ATP6V1H: variants seen among roughly 807,000 people sequenced by gnomAD.
ATP6V1H encodes V-type proton ATPase subunit H.
ATP6V1H carries 39 observed loss-of-function variants against 71.7 expected under a neutral mutation model. That is an observed-to-expected ratio of 0.54 (90% CI 0.42 to 0.71). The LOEUF is 0.71. Ranked by LOEUF, ATP6V1H falls within the 30% of genes least tolerant of loss-of-function variation. The pLI is 0.00. For missense variants in ATP6V1H, 509 were observed against 594.9 expected (o/e 0.86, Z 1.50); for synonymous variants, 192 against 199.3 (o/e 0.96, Z 0.31).
chr8:53,819,617 C>T (rs7460020), intron 4 of ATP6V1H, among the ~76,000 whole-genome samples: 4 of 66,972 alleles, frequency 6.0e-5, no homozygotes, highest in Admixed American at 4.8e-4. Flanking sequence ...ATTGTATATA[C>T]ATATATACAT....
At chr8:53,774,161 AG>A (rs1466905566) in intron 9 of ATP6V1H, among the ~76,000 whole-genome samples, 2 of 152,266 alleles carry the variant, frequency 1.3e-5, no homozygotes, top group African/African-American at 4.8e-5. Context: ...AGAAATTTTC[AG>A]ACACAAGATG....
intron 11 of ATP6V1H, among the ~76,000 whole-genome samples, chr8:53,766,533 C>T (rs1274645506): frequency 6.6e-6 from 1 of 152,358 alleles, no homozygotes; most frequent in East Asian, 1.9e-4. Flanking sequence ...TAAACTCTGA[C>T]CACTGGTGAG....
At chr8:53,837,329 C>T (rs1319140676) in intron 2 of ATP6V1H, among the ~76,000 whole-genome samples, 1 of 152,146 alleles carries the variant, frequency 6.6e-6, no homozygotes, top group Non-Finnish European at 1.5e-5. Context: ...AACTGGCAGC[C>T]TACTACATGC....
At chr8:53,778,388 T>C (rs777708224) in intron 9 of ATP6V1H, among the ~76,000 whole-genome samples, 4 of 152,226 alleles carry the variant, frequency 2.6e-5, no homozygotes, top group Admixed American at 6.5e-5. Flanking sequence ...AGTAGATTAC[T>C]GTTTACTATC....
At chr8:53,813,942 C>CT (rs1810364637) in intron 6 of ATP6V1H, among the ~76,000 whole-genome samples, 1 of 152,074 alleles carries the variant, frequency 6.6e-6, no homozygotes, top group African/African-American at 2.4e-5. Flanking sequence ...AGGCTCACCC[C>CT]TTTCGCAGCT....
In ATP6V1H at chr8:53,744,109, T is replaced by C. The variant is rs141964020; in HGVS notation, c.1278-419A>G. ...ATATCAAGCCCACCAGTGACCGTGC[T>C]GCGTGAAGATAGGGGCTTAGATGTA... On this transcript the variant is annotated intron_variant, in intron 12 of 13. Transcript: ENST00000359530. Among the ~76,000 whole-genome samples, 1,239 of 152,206 alleles carry C rather than the reference T, an allele frequency of 8.1e-3. 2 individuals carry two copies. The highest frequency in any genetic ancestry group is 0.015 in the South Asian group (74 of 4,808).
At chr8:53,731,792 A>G (rs1264586783) in intron 13 of ATP6V1H, among the ~76,000 whole-genome samples, 1 of 152,256 alleles carries the variant, frequency 6.6e-6, no homozygotes, top group Admixed American at 6.5e-5. Context: ...TGGTAGAGGT[A>G]GCCCCTTAGG....
intron 10 of ATP6V1H, 99 bp from the exon 11 acceptor site, chr8:53,769,842 G>T: frequency 9.6e-7 from 1 of 1,047,054 alleles, no homozygotes; most frequent in Non-Finnish European, 1.4e-6. Context: ...TAATTACAAA[G>T]ACTGACCATC....
chr8:53,776,142 T>G (rs942849694), intron 9 of ATP6V1H, among the ~76,000 whole-genome samples: 11 of 152,114 alleles, frequency 7.2e-5, no homozygotes, highest in African/African-American at 2.7e-4. Context: ...CTGGCCCGGG[T>G]GCTAAGTCCG....
chr8:53,829,507 C>A lies in ATP6V1H; in HGVS notation c.243G>T (p.Met81Ile). ...SQCAKTFINL[M>I]THICKEQTVQ... ...CGGTCTGTTCTTTGCAGATATGAGT[C>A]ATCAGATTTATAAATGTTTTAGCAC... The change falls in exon 4 of 14, where the codon ATG becomes ATT. Residue 81 changes from methionine to isoleucine, a missense_variant. Met to Ile is a conservative substitution (Grantham distance 10, BLOSUM62 1). Coordinates refer to ENST00000359530, the MANE Select transcript of ATP6V1H (RefSeq NM_015941.4). 3 of 1,590,250 alleles carry A rather than the reference C, an allele frequency of 1.9e-6. No homozygotes were observed. Among genetic ancestry groups the A allele is most frequent in the South Asian group, 2.3e-5 (2 of 86,606 alleles).
intron 2 of ATP6V1H, among the ~76,000 whole-genome samples, chr8:53,836,202 A>G (rs1811156649): frequency 6.6e-6 from 1 of 152,166 alleles, no homozygotes. Context: ...TGAACTTCCT[A>G]GATAAAAATA....
chr8:53,742,268 T>C (rs1402186296), intron 13 of ATP6V1H, among the ~76,000 whole-genome samples: 1 of 152,212 alleles, frequency 6.6e-6, no homozygotes, highest in African/African-American at 2.4e-5. Context: ...TACAGGATAT[T>C]ACCAGCACTC....
intron 13 of ATP6V1H, among the ~76,000 whole-genome samples, chr8:53,727,788 A>T (rs1038019833): frequency 1.4e-4 from 22 of 152,164 alleles, no homozygotes; most frequent in Non-Finnish European, 1.5e-5. Context: ...CATAAAATTC[A>T]ATGTGTCTAA....
At chr8:53,756,790 C>A in intron 11 of ATP6V1H, 134 bp from the exon 12 acceptor site, 1 of 563,562 alleles carries the variant, frequency 1.8e-6, no homozygotes, top group Non-Finnish European at 3.0e-6. Context: ...AAGGATTTCA[C>A]TATTAGACAT....
intron 9 of ATP6V1H, among the ~76,000 whole-genome samples, chr8:53,785,630 C>A (rs1357940212): frequency 6.6e-6 from 1 of 152,150 alleles, no homozygotes; most frequent in African/African-American, 2.4e-5. Flanking sequence ...TTTAGAGTTT[C>A]TGGTTTTTCT....
rs148296332 is a variant in ATP6V1H at position 53,833,186 on chromosome 8, C to T, written c.114-100G>A. ...CTTCTCTTCTCTCCTTGGCAGCAAA[C>T]CACAAGGGCTGACGCAAGGGCCCTG... On this transcript the variant is annotated intron_variant, in intron 2 of 13. Transcript: ENST00000359530. The T allele has an allele frequency of 5.7e-4, 492 of 864,214 alleles. 5 individuals carry two copies. In the African/African-American group the frequency reaches 6.1e-3, roughly 11 times the overall value. The allele number at this position is 864,214 out of a possible 1,614,324, so 53.5% of individuals were successfully genotyped here. A position where few individuals can be genotyped will look rare whatever the true frequency, so the allele number is the denominator to read the frequency against.
At chr8:53,808,073 T>C (rs1467608457) in intron 7 of ATP6V1H, among the ~76,000 whole-genome samples, 1 of 152,234 alleles carries the variant, frequency 6.6e-6, no homozygotes, top group Non-Finnish European at 1.5e-5. Flanking sequence ...ATCTAGCAAC[T>C]ACTCATTCCA....
intron 9 of ATP6V1H, among the ~76,000 whole-genome samples, chr8:53,784,759 C>T (rs1809306883): frequency 6.6e-6 from 1 of 152,128 alleles, no homozygotes; most frequent in Non-Finnish European, 1.5e-5. Context: ...TCAGCATTTG[C>T]TTGTCTGTAA....
At chr8:53,783,436 CTTCT>C (rs1809244442) in intron 9 of ATP6V1H, among the ~76,000 whole-genome samples, 1 of 151,896 alleles carries the variant, frequency 6.6e-6, no homozygotes, top group Non-Finnish European at 1.5e-5. Flanking sequence ...TCTCTCTTTT[CTTCT>C]TTATTAGTCT....
Sources: gnomAD v4.1 joint callset for allele counts (sites outside exome capture counted in the v4.1 genomes callset) on GRCh38, gnomAD v4.1.1 for gene constraint, MANE v1.5 for transcripts, NCBI Gene and HGNC (gene_info 2026-07-23, HGNC 2026-07-21) for gene names.